The following MEI1 variants were observed in gnomAD, a reference collection of about 807,000 sequenced individuals.
The protein encoded by MEI1 is meiosis inhibitor protein 1.
MEI1 carries 103 observed loss-of-function variants against 146.2 expected under a neutral mutation model. That is an observed-to-expected ratio of 0.70 (90% CI 0.60 to 0.83). The LOEUF (loss-of-function observed/expected upper bound fraction) is 0.83, where lower values mean the gene tolerates loss of function less well. Ranked by LOEUF, MEI1 falls within the 40% of genes least tolerant of loss-of-function variation. MEI1 has a pLI of 0.00. For synonymous variants in MEI1, 652 were observed against 628.2 expected, an observed-to-expected ratio of 1.04 and a Z score of -0.57; for missense variants, 1,529 against 1,533.0, an observed-to-expected ratio of 1.00 and a Z score of 0.04.
rs182595688 is a variant in MEI1, at chr22:41,711,593, G to A, written c.350-2409G>A. On this transcript the variant is annotated intron_variant, in intron 3 of 30. Transcript: ENST00000401548. ...AGGAAGACTAAGGGTGAGGGGTGAA[G>A]GACTTGCTCCTTCCTCATGGTTCCT... Among the ~76,000 whole-genome samples, 11 of 152,328 alleles carry A rather than the reference G, an allele frequency of 7.2e-5. No individual in the cohort carries two copies. The East Asian group carries it at 2.1e-3, about 29-fold the overall frequency.
rs1385085146 is a variant in MEI1 at position 41,786,072 on chromosome 22, G to A, written c.3345+1289G>A. On this transcript the variant is annotated intron_variant, in intron 26 of 30. Transcript: ENST00000401548. ...ACTACAGGCGCCCGCTACCACGCCC[G>A]GCTAATTTTTTGTATTTTTAGTAGA... Among the ~76,000 whole-genome samples, 10 of 148,868 alleles carry A rather than the reference G, an allele frequency of 6.7e-5. No homozygotes were observed. In the East Asian group the frequency reaches 1.2e-3, roughly 18 times the overall value.
At position 41,795,705 on chromosome 22, in the gene MEI1, C is replaced by T; in HGVS notation, c.3667-30C>T. 6.2e-7 allele frequency: 1 copy of T among 1,603,588 alleles called. No homozygotes were observed. The highest frequency in any genetic ancestry group is 8.5e-7 in the Non-Finnish European group (1 of 1,172,790). On this transcript the variant is annotated intron_variant, in intron 29 of 30. Coordinates refer to ENST00000401548, the MANE Select transcript of MEI1 (RefSeq NM_152513.4). The surrounding 1 kb of genome is among the most constrained non-coding windows in gnomAD (Gnocchi z 4.2). ...CTGTGTGGAATGGGCACTGAGGAGG[C>T]CTGTCTTCCCTGCCCTCTTCTCCCT...
chr22:41,701,638 C>G (rs1193919074), intron 1 of MEI1, among the ~76,000 whole-genome samples: 1 of 152,192 alleles, frequency 6.6e-6, no homozygotes, highest in Non-Finnish European at 1.5e-5. Flanking sequence ...GGCTGCTTTT[C>G]TTGGACAGTA....
Position 41,732,494 on chromosome 22 carries a change from A to G in MEI1, c.1222A>G (p.Thr408Ala). 1 of 1,613,948 alleles carries G rather than the reference A, an allele frequency of 6.2e-7. No individual in the cohort carries two copies. Among genetic ancestry groups the G allele is most frequent in the East Asian group, 2.2e-5 (1 of 44,878 alleles). ...GCAGCCAGAGGAGATCAAGCTGTTC[A>G]CAAGCTCAGCCATGTGCAGAGATGC... ...TRQPEEIKLF[T>A]SSAMCRDAGR... The change falls in exon 11 of 31, where the codon ACA becomes GCA. Residue 408 changes from threonine to alanine, a missense_variant. Physicochemically the swap from Thr to Ala is moderately conservative, Grantham distance 58 (BLOSUM62 0). Transcript: ENST00000401548.
chr22:41,743,317 A>G (rs1569230092), intron 12 of MEI1, 123 bp downstream of exon 12: 1 of 620,328 alleles, frequency 1.6e-6, no homozygotes, highest in Non-Finnish European at 2.9e-6. Context: ...ACACATGGCT[A>G]CAATGAGATG....
At chr22:41,729,828 T>A in intron 8 of MEI1, 49 bp downstream of exon 8, 7 of 1,223,892 alleles carry the variant, frequency 5.7e-6, no homozygotes, top group East Asian at 2.5e-5. Context: ...AAGGATGGGG[T>A]GGTGACAGGT....
intron 23 of MEI1, 59 bp downstream of exon 23, chr22:41,781,453 C>A: frequency 7.2e-7 from 1 of 1,393,834 alleles, no homozygotes; most frequent in Non-Finnish European, 9.9e-7. Flanking sequence ...TCCTCTGTAT[C>A]TCAACTTTTT....
intron 22 of MEI1, among the ~76,000 whole-genome samples, chr22:41,779,666 T>A (rs1458041265): frequency 6.6e-6 from 1 of 152,208 alleles, no homozygotes. Context: ...ATAGAGAATG[T>A]CACACAGTGC....
intron 21 of MEI1, 49 bp from the exon 22 acceptor site, chr22:41,778,659 G>C (rs1209251639): frequency 2.1e-6 from 3 of 1,448,216 alleles, no homozygotes; most frequent in Non-Finnish European, 2.9e-6. Flanking sequence ...CTGACCTTCA[G>C]GTGATCTGAG....
At chr22:41,776,682 G>T (rs909505461) in intron 21 of MEI1, among the ~76,000 whole-genome samples, 1 of 152,190 alleles carries the variant, frequency 6.6e-6, no homozygotes. Flanking sequence ...AGATCCGGGG[G>T]ATTAGTTTCC....
At chr22:41,797,320 TAC>T (rs2076397630) in intron 30 of MEI1, among the ~76,000 whole-genome samples, 1 of 151,956 alleles carries the variant, frequency 6.6e-6, no homozygotes, top group African/African-American at 2.4e-5. Context: ...TGCATAAAAT[TAC>T]CTTCAGGTGG....
chr22:41,709,572 C>A (rs2069377315), intron 3 of MEI1: 7 of 482,732 alleles, frequency 1.5e-5, no homozygotes, highest in South Asian at 1.2e-4. Flanking sequence ...AGGGGTTGTT[C>A]TCGCCTCTTC....
intron 21 of MEI1, among the ~76,000 whole-genome samples, chr22:41,777,913 T>G (rs1017179344): frequency 4.0e-5 from 6 of 151,604 alleles, no homozygotes; most frequent in Admixed American, 2.0e-4. Context: ...CTTCATCTTC[T>G]TCTTTCTTCT....
chr22:41,727,732 C>T (rs1276872343), intron 7 of MEI1, among the ~76,000 whole-genome samples: 2 of 152,070 alleles, frequency 1.3e-5, no homozygotes, highest in Non-Finnish European at 2.9e-5. Flanking sequence ...AGGAAAGGTG[C>T]ATGGGGCGAA....
chr22:41,773,362 A>G (rs2075284812), intron 20 of MEI1, among the ~76,000 whole-genome samples: 1 of 152,176 alleles, frequency 6.6e-6, no homozygotes, highest in Non-Finnish European at 1.5e-5. Context: ...ATGAGATAGT[A>G]TGTAGGAACA....
chr22:41,767,037 C>A (rs1002905802), intron 19 of MEI1, among the ~76,000 whole-genome samples: 2 of 152,154 alleles, frequency 1.3e-5, no homozygotes, highest in African/African-American at 4.8e-5. Flanking sequence ...GAGGAGCACC[C>A]TCCATGGTCA....
At chr22:41,775,421 C>T (rs2075387732) in intron 20 of MEI1, among the ~76,000 whole-genome samples, 1 of 152,098 alleles carries the variant, frequency 6.6e-6, no homozygotes, top group Non-Finnish European at 1.5e-5. Flanking sequence ...GACCCTAATC[C>T]TACCATTTGC....
intron 17 of MEI1, 65 bp from the exon 18 acceptor site, chr22:41,758,300 A>G: frequency 1.4e-6 from 2 of 1,477,680 alleles, no homozygotes; most frequent in Non-Finnish European, 1.9e-6. Flanking sequence ...AGTAGGTACT[A>G]ATGTGCTGAT....
chr22:41,740,034 G>T (rs112724017), intron 11 of MEI1, among the ~76,000 whole-genome samples: 6 of 150,492 alleles, frequency 4.0e-5, no homozygotes, highest in African/African-American at 1.5e-4. Flanking sequence ...TTTTTTTGGT[G>T]GGGGGGGTGG....
Sources: allele counts gnomAD v4.1 joint callset (sites outside exome capture counted in the v4.1 genomes callset), GRCh38; gene constraint gnomAD v4.1.1; non-coding constraint Gnocchi (gnomAD v3.1); transcripts MANE v1.5; gene names NCBI Gene and HGNC (gene_info 2026-07-23, HGNC 2026-07-21).